C11orf65: variants seen among roughly 807,000 people sequenced by gnomAD.
C11orf65 encodes the protein protein MFI.
Under a neutral mutation model 35.3 loss-of-function variants are expected in C11orf65, and 38 were observed. That is an observed-to-expected ratio of 1.08 (90% CI 0.83 to 1.41). C11orf65 has a LOEUF of 1.41. C11orf65 is among the 40% of genes most tolerant of loss of function. The probability of loss-of-function intolerance (pLI) is 0.00; values close to 1 mark genes in which losing one functional copy is unlikely to be tolerated. For synonymous variants in C11orf65, 105 were observed against 114.4 expected (o/e 0.92, Z 0.53); for missense variants, 370 against 367.1 (o/e 1.01, Z -0.06).
intron 6 of C11orf65, among the ~76,000 whole-genome samples, chr11:108,399,443 C>G (rs1247388971): frequency 1.3e-5 from 2 of 152,194 alleles, no homozygotes; most frequent in Non-Finnish European, 2.9e-5. Flanking sequence ...GTTGTGCCCA[C>G]TGGAAGGATA....
In C11orf65 at chr11:108,383,038, A is replaced by C; in HGVS notation, c.925T>G (p.Ser309Ala). Residue 309 changes from serine to alanine, a missense_variant, in exon 9 of 9, where the codon TCT (serine) becomes GCT (alanine). By Grantham distance (99) the Ser-to-Ala change is moderately conservative. Transcript: ENST00000393084. Reference sequence around the variant, plus strand: ...AAAGTACTTTATAGTCCATAAGTAGAATCAGGCGTTAATCTAGTTACATTT... The same window carrying C: ...AAAGTACTTTATAGTCCATAAGTAGCATCAGGCGTTAATCTAGTTACATTT... ...EPNVTRLTPD[S>A]TYGL 1 of 1,610,950 alleles carries C rather than the reference A, an allele frequency of 6.2e-7. No homozygotes were observed. The highest frequency in any genetic ancestry group is 8.5e-7 in the Non-Finnish European group (1 of 1,179,332).
Position 108,406,663 on chromosome 11 carries a change from GGATT to G in C11orf65, c.429+96_429+99del, listed in dbSNP as rs540075037. On this transcript the variant is annotated intron_variant, in intron 5 of 8. Coordinates refer to ENST00000393084, the MANE Select transcript of C11orf65 (RefSeq NM_152587.5). The stretch of plus-strand genomic sequence containing the variant: ...GCAAAATTTATCAATTAAATTACTA[GGATT>G]TATTATTTTAAAAAATAATTTTAAA... 5.1e-4 allele frequency: 405 copies of G among 789,942 alleles called. 2 individuals are homozygous for G. The African/African-American group carries it at 6.8e-3, about 13-fold the overall frequency. The allele number at this position is 789,942 out of a possible 1,614,324, so 48.9% of individuals were successfully genotyped here.
intron 2 of C11orf65, chr11:108,356,229 G>A (rs1276652793): frequency 6.6e-6 from 1 of 152,066 alleles, no homozygotes; most frequent in East Asian, 1.9e-4. Flanking sequence ...ATATTATCTT[G>A]CACTTTTTCA....
intron 2 of C11orf65, among the ~76,000 whole-genome samples, chr11:108,358,371 G>A (rs1268694380): frequency 2.0e-5 from 3 of 146,456 alleles, no homozygotes; most frequent in Non-Finnish European, 4.5e-5. Flanking sequence ...AAAACACTCT[G>A]CAGGATATTA....
At chr11:108,371,264 C>G (rs1360536989) in intron 2 of C11orf65, among the ~76,000 whole-genome samples, 1 of 152,172 alleles carries the variant, frequency 6.6e-6, no homozygotes, top group African/African-American at 2.4e-5. Context: ...AATTTACCAT[C>G]TCGTTTTTAA....
chr11:108,403,295 T>C (rs1009966522), intron 6 of C11orf65, among the ~76,000 whole-genome samples: 2 of 152,156 alleles, frequency 1.3e-5, no homozygotes, highest in African/African-American at 4.8e-5. Flanking sequence ...AGCACTTCTC[T>C]AATGATTAAT....
At chr11:108,458,167 CT>C (rs1039704679) in intron 2 of C11orf65, among the ~76,000 whole-genome samples, 7 of 151,830 alleles carry the variant, frequency 4.6e-5, no homozygotes, top group Middle Eastern at 3.4e-3. Flanking sequence ...CAGGTTCTAT[CT>C]TTTTTTTCTT....
At chr11:108,330,981 G>A (rs1401572731), downstream of C11orf65, among the ~76,000 whole-genome samples, 1 of 152,120 alleles carries the variant, frequency 6.6e-6, no homozygotes, top group Non-Finnish European at 1.5e-5. Flanking sequence ...CAATTTGAAG[G>A]TTAGAGATAA....
chr11:108,375,593 C>G (rs1214707654), intron 2 of C11orf65, among the ~76,000 whole-genome samples: 13 of 152,008 alleles, frequency 8.6e-5, no homozygotes, highest in Admixed American at 8.5e-4. Flanking sequence ...AACAAAATAA[C>G]CAGCTAACAT....
intron 2 of C11orf65, among the ~76,000 whole-genome samples, chr11:108,440,948 T>G (rs1412655531): frequency 6.6e-6 from 1 of 152,036 alleles, no homozygotes; most frequent in Non-Finnish European, 1.5e-5. Context: ...CCAAGTGAGG[T>G]ACCGGGTTCA....
intron 2 of C11orf65, among the ~76,000 whole-genome samples, chr11:108,434,377 T>C (rs2093034281): frequency 2.0e-5 from 3 of 151,850 alleles, no homozygotes; most frequent in Admixed American, 2.0e-4. Context: ...TGGTGGTGTG[T>C]GCCTGTAATC....
chr11:108,364,363 T>C (rs1161337682), intron 2 of C11orf65, among the ~76,000 whole-genome samples: 2 of 152,224 alleles, frequency 1.3e-5, no homozygotes, highest in Non-Finnish European at 2.9e-5. Context: ...AGTTAGCTGT[T>C]CTGAACTGCC....
At chr11:108,312,251 A>G (rs1414283922) in intron 6 of C11orf65, among the ~76,000 whole-genome samples, 2 of 152,168 alleles carry the variant, frequency 1.3e-5, no homozygotes, top group South Asian at 2.1e-4. Flanking sequence ...TTCCTTTTCC[A>G]TCCTAGGTAT....
At chr11:108,405,706 T>C in intron 5 of C11orf65, 147 bp from the exon 6 acceptor site, 3 of 812,924 alleles carry the variant, frequency 3.7e-6, no homozygotes, top group Non-Finnish European at 5.9e-6. Context: ...GTATTTCTAA[T>C]TAAGTGATGG....
At chr11:108,342,950 G>A (rs964119216) in intron 2 of C11orf65, among the ~76,000 whole-genome samples, 1 of 152,184 alleles carries the variant, frequency 6.6e-6, no homozygotes, top group Admixed American at 6.5e-5. Flanking sequence ...ATGACGGTGA[G>A]TATAGTTAAC....
At chr11:108,374,194 T>C (rs1435690107) in intron 2 of C11orf65, among the ~76,000 whole-genome samples, 8 of 151,398 alleles carry the variant, frequency 5.3e-5, no homozygotes, top group African/African-American at 1.9e-4. Context: ...CTCAAGTAGG[T>C]CCCTGACCCC....
At chr11:108,418,505 C>G (rs1205224475) in intron 3 of C11orf65, among the ~76,000 whole-genome samples, 1 of 151,922 alleles carries the variant, frequency 6.6e-6, no homozygotes, top group East Asian at 1.9e-4. Flanking sequence ...TAAGCTGCAG[C>G]TAAGACCATT....
At chr11:108,411,792 C>CTT (rs555110271) in intron 3 of C11orf65, among the ~76,000 whole-genome samples, 1 of 143,298 alleles carries the variant, frequency 7.0e-6, no homozygotes. Flanking sequence ...TTTCTTTTTT[C>CTT]TTTTTTTTTT....
intron 3 of C11orf65, among the ~76,000 whole-genome samples, chr11:108,409,124 A>G (rs2092611141): frequency 6.6e-6 from 1 of 152,206 alleles, no homozygotes. Context: ...TTTGCTCAAC[A>G]TGAATCTGTG....
Sources: gnomAD v4.1 joint callset for allele counts (sites outside exome capture counted in the v4.1 genomes callset) on GRCh38, gnomAD v4.1.1 for gene constraint, MANE v1.5 for transcripts, NCBI Gene and HGNC (gene_info 2026-07-23, HGNC 2026-07-21) for gene names.